Variants in GPC6 observed in about 807,000 individuals in gnomAD.
GPC6 encodes glypican 6, also known as glypican-6.
Under a neutral mutation model 55.2 loss-of-function variants are expected in GPC6, and 14 were observed. The ratio of observed to expected loss-of-function variants is 0.25; its 90% CI spans 0.17 to 0.40. GPC6 has a LOEUF of 0.40. Ranked by LOEUF, GPC6 falls within the 10% of genes least tolerant of loss-of-function variation. GPC6 has a pLI of 1.00. For missense variants in GPC6, 641 were observed against 708.5 expected (o/e 0.90, Z 1.08); for synonymous variants, 278 against 259.6 (o/e 1.07, Z -0.68).
At chr13:93,340,897 T>C (rs1880231944) in intron 1 of GPC6, among the ~76,000 whole-genome samples, 1 of 152,210 alleles carries the variant, frequency 6.6e-6, no homozygotes, top group Admixed American at 6.5e-5. Context: ...CGGAGTACTA[T>C]ATACTGTACC....
intron 6 of GPC6, among the ~76,000 whole-genome samples, chr13:94,319,142 C>CTTT (rs1876690415): frequency 6.6e-6 from 1 of 151,944 alleles, no homozygotes; most frequent in African/African-American, 2.4e-5. Flanking sequence ...TTTTAGTCTT[C>CTTT]TTTTTCTTCT....
At chr13:94,007,710 A>C (rs1229304995) in intron 3 of GPC6, among the ~76,000 whole-genome samples, 2 of 152,088 alleles carry the variant, frequency 1.3e-5, no homozygotes, top group East Asian at 3.9e-4. Flanking sequence ...CAGTATGCTT[A>C]TGTCCTCTGT....
chr13:94,108,760 C>T (rs1886141403), intron 4 of GPC6, among the ~76,000 whole-genome samples: 1 of 151,108 alleles, frequency 6.6e-6, no homozygotes, highest in Admixed American at 6.6e-5. Context: ...AAGAATCACT[C>T]GAACCTGGGA....
At chr13:93,364,732 T>G (rs1179639995) in intron 1 of GPC6, among the ~76,000 whole-genome samples, 1 of 151,260 alleles carries the variant, frequency 6.6e-6, no homozygotes, top group Non-Finnish European at 1.5e-5. Context: ...CATATATGTA[T>G]ATATATATGT....
At chr13:93,782,916 T>C (rs1885700943) in intron 2 of GPC6, among the ~76,000 whole-genome samples, 1 of 152,134 alleles carries the variant, frequency 6.6e-6, no homozygotes, top group African/African-American at 2.4e-5. Flanking sequence ...TATGCCATGG[T>C]GGTTTGCTGC....
intron 3 of GPC6, among the ~76,000 whole-genome samples, chr13:93,910,992 C>G (rs1840323172): frequency 6.6e-6 from 1 of 152,154 alleles, no homozygotes; most frequent in Non-Finnish European, 1.5e-5. Flanking sequence ...GTACTCAGAC[C>G]TGGCTTTCTT....
intron 1 of GPC6, among the ~76,000 whole-genome samples, chr13:93,302,053 G>A (rs1252748536): frequency 6.6e-6 from 1 of 152,016 alleles, no homozygotes; most frequent in East Asian, 1.9e-4. Flanking sequence ...ATCACAATTG[G>A]GTCACTGTAT....
intron 3 of GPC6, among the ~76,000 whole-genome samples, chr13:93,877,477 A>G (rs927319167): frequency 1.3e-5 from 2 of 152,070 alleles, no homozygotes; most frequent in Non-Finnish European, 2.9e-5. Context: ...ATGAGGAATA[A>G]TGTCACATAA....
At chr13:93,697,059 A>G (rs1043089949) in intron 2 of GPC6, among the ~76,000 whole-genome samples, 2 of 151,972 alleles carry the variant, frequency 1.3e-5, no homozygotes, top group Non-Finnish European at 2.9e-5. Flanking sequence ...CCAGTCCCCA[A>G]TTTGTATAGG....
chr13:93,311,013 C>A (rs570830135), intron 1 of GPC6, among the ~76,000 whole-genome samples: 1 of 152,188 alleles, frequency 6.6e-6, no homozygotes, highest in Admixed American at 6.5e-5. Context: ...CTAAGAATAT[C>A]CTTTCTGATA....
chr13:94,334,767 C>T (rs1877597745), intron 6 of GPC6, among the ~76,000 whole-genome samples: 1 of 152,204 alleles, frequency 6.6e-6, no homozygotes. Context: ...CTGAGCACAT[C>T]AGGCGTAATG....
At chr13:94,262,587 C>A (rs143010032) in intron 4 of GPC6, among the ~76,000 whole-genome samples, 292 of 150,966 alleles carry the variant, frequency 1.9e-3, no homozygotes, top group African/African-American at 6.9e-3. Flanking sequence ...GCAGGAGAAT[C>A]ACTTGTACCC....
At chr13:94,282,891 A>G (rs560536410) in intron 4 of GPC6, among the ~76,000 whole-genome samples, 54 of 152,374 alleles carry the variant, frequency 3.5e-4, no homozygotes, top group African/African-American at 1.1e-3. Flanking sequence ...CCAGATTCAG[A>G]GGACAGGACA....
At chr13:93,665,899 T>C (rs573166269) in intron 2 of GPC6, among the ~76,000 whole-genome samples, 1 of 152,184 alleles carries the variant, frequency 6.6e-6, no homozygotes, top group Non-Finnish European at 1.5e-5. Flanking sequence ...TGGCCGAAGA[T>C]CAATCATTTA....
At chr13:93,653,085 G>A (rs1037162339) in intron 2 of GPC6, among the ~76,000 whole-genome samples, 1 of 152,156 alleles carries the variant, frequency 6.6e-6, no homozygotes, top group African/African-American at 2.4e-5. Context: ...TACACATAAA[G>A]CAGTGGCTTT....
At chr13:93,912,417 G>A (rs767675315) in intron 3 of GPC6, among the ~76,000 whole-genome samples, 6 of 152,064 alleles carry the variant, frequency 3.9e-5, no homozygotes, top group Non-Finnish European at 7.4e-5. Context: ...TACAGCGGCT[G>A]TACCAAGTTA....
chr13:94,024,223 T>C (rs1882808948), intron 3 of GPC6, among the ~76,000 whole-genome samples: 1 of 152,076 alleles, frequency 6.6e-6, no homozygotes, highest in South Asian at 2.1e-4. Context: ...CATTTTTATA[T>C]TACACAACAG....
rs1343685761 is a variant in GPC6 at position 93,227,359 on chromosome 13, G to A, written c.-98G>A. On this transcript the variant is annotated 5_prime_UTR_variant, in exon 1 of 9. Coordinates refer to ENST00000377047, the MANE Select transcript of GPC6 (RefSeq NM_005708.5). The surrounding 1 kb of genome is among the most constrained non-coding windows in gnomAD (Gnocchi z 4.3). ...AGGGGGTGACGCTGGGCAGCGGCGA[G>A]GAGCGCGCCGCTGCCTCTGGCGGGC... 4.0e-6 allele frequency: 5 copies of A among 1,256,062 alleles called. No individual in the cohort carries two copies. Among genetic ancestry groups the A allele is most frequent in the Admixed American group, 2.0e-5 (1 of 49,648 alleles). 77.8% of individuals were successfully genotyped at this position (1,256,062 alleles called of 1,614,324 possible). A position where few individuals can be genotyped will look rare whatever the true frequency, so the allele number is the denominator to read the frequency against.
chr13:94,136,576 G>C (rs960738438), intron 4 of GPC6, among the ~76,000 whole-genome samples: 2 of 152,140 alleles, frequency 1.3e-5, no homozygotes, highest in Non-Finnish European at 2.9e-5. Flanking sequence ...TGGGTATGGT[G>C]GTGGGTGCCT....
Sources: allele counts gnomAD v4.1 joint callset (sites outside exome capture counted in the v4.1 genomes callset), GRCh38; gene constraint gnomAD v4.1.1; non-coding constraint Gnocchi (gnomAD v3.1); transcripts MANE v1.5; gene names NCBI Gene and HGNC (gene_info 2026-07-23, HGNC 2026-07-21).